Variants in BTG3 observed in about 807,000 individuals in gnomAD.
BTG3 encodes protein BTG3.
Under a neutral mutation model 25.8 loss-of-function variants are expected in BTG3, and 4 were observed. The ratio of observed to expected loss-of-function variants is 0.16; its 90% CI spans 0.08 to 0.36. BTG3 has a LOEUF of 0.36. Ranked by LOEUF, BTG3 falls within the 10% of genes least tolerant of loss-of-function variation. The pLI is 1.00. For missense variants in BTG3, 201 were observed against 304.9 expected (o/e 0.66, Z 2.54); for synonymous variants, 107 against 99.9 (o/e 1.07, Z -0.42).
At chr21:17,604,214 G>T in intron 3 of BTG3, 1 of 871,118 alleles carries the variant, frequency 1.1e-6, no homozygotes, top group Non-Finnish European at 1.6e-6. Context: ...AGGCCAAGGC[G>T]GGCGGATCAC....
At chr21:17,602,449 G>A (rs531101243) in intron 3 of BTG3, among the ~76,000 whole-genome samples, 3 of 152,224 alleles carry the variant, frequency 2.0e-5, no homozygotes, top group South Asian at 2.1e-4. Flanking sequence ...ATACTTGCTA[G>A]ATCAGCTTTA....
chr21:17,611,108 C>T (rs2061716145), intron 1 of BTG3, among the ~76,000 whole-genome samples: 1 of 152,234 alleles, frequency 6.6e-6, no homozygotes, highest in African/African-American at 2.4e-5. Context: ...ACCACGACTG[C>T]TGTGCAGCCT....
intron 3 of BTG3, 126 bp downstream of exon 3, chr21:17,604,734 A>T: frequency 8.5e-7 from 1 of 1,178,152 alleles, no homozygotes; most frequent in Non-Finnish European, 1.1e-6. Context: ...CATAAAATTT[A>T]CATCTGAGAG....
chr21:17,611,611 CAAG>C (rs1254720365), intron 1 of BTG3: 1 of 152,272 alleles, frequency 6.6e-6, no homozygotes, highest in Non-Finnish European at 1.5e-5. Flanking sequence ...CAAGCAGGGC[CAAG>C]AAGACCTCAG....
At chr21:17,595,591 C>A (rs560967726) in intron 4 of BTG3, among the ~76,000 whole-genome samples, 32 of 151,690 alleles carry the variant, frequency 2.1e-4, no homozygotes, top group Non-Finnish European at 4.4e-4. Context: ...CATAAAGATC[C>A]TTCTCATTTT....
chr21:17,594,833 G>T (rs1324437601), intron 4 of BTG3, among the ~76,000 whole-genome samples: 1 of 151,948 alleles, frequency 6.6e-6, no homozygotes, highest in Non-Finnish European at 1.5e-5. Context: ...ATAGACATTG[G>T]AGTCTATTTG....
chr21:17,594,143 G>A lies in BTG3; in HGVS notation c.709C>T (p.His237Tyr). 6.2e-7 allele frequency: 1 copy of A among 1,613,252 alleles called. No individual in the cohort carries two copies. The highest frequency in any genetic ancestry group is 2.2e-5 in the East Asian group (1 of 44,858). ...TTAATCCAGTGATTCCGGTCACAAT[G>A]CATTCCAGGAGGAGGTACCCATGTC... Reference protein sequence around the residue: ...PVTWVPPPGMHCDRNHWINPH... With the variant: ...PVTWVPPPGMYCDRNHWINPH... The change falls in exon 5 of 5, where the codon CAT becomes TAT. Residue 237 changes from histidine (H) to tyrosine (Y), a missense_variant. His to Tyr is a moderately conservative substitution (Grantham distance 83). This residue lies in a region of BTG3 where 131 missense variants were observed against 129.3 expected (regional missense o/e 1.01). Transcript: ENST00000348354.
At chr21:17,600,367 G>A (rs1485101470) in intron 3 of BTG3, among the ~76,000 whole-genome samples, 4 of 152,092 alleles carry the variant, frequency 2.6e-5, no homozygotes, top group African/African-American at 9.7e-5. Context: ...TTTGAAAAAA[G>A]ATAAAAATAA....
At chr21:17,599,982 A>C (rs887283167) in intron 3 of BTG3, among the ~76,000 whole-genome samples, 3 of 152,196 alleles carry the variant, frequency 2.0e-5, no homozygotes, top group Non-Finnish European at 4.4e-5. Context: ...TGCTTAAATT[A>C]TATTGCTTAC....
chr21:17,604,056 C>T, intron 3 of BTG3: 1 of 1,125,154 alleles, frequency 8.9e-7, no homozygotes, highest in Non-Finnish European at 1.1e-6. Context: ...ATACCTAGCA[C>T]TGATCTTTCA....
intron 2 of BTG3, among the ~76,000 whole-genome samples, chr21:17,607,389 CA>C (rs368596539): frequency 0.015 from 2,173 of 145,704 alleles, 27 homozygotes; most frequent in Non-Finnish European, 0.02. Flanking sequence ...TGAAAATATG[CA>C]AAAAAAAAAT....
At chr21:17,599,868 A>G (rs1169682020) in intron 3 of BTG3, among the ~76,000 whole-genome samples, 2 of 152,192 alleles carry the variant, frequency 1.3e-5, no homozygotes, top group Non-Finnish European at 2.9e-5. Context: ...TTTAACCCCA[A>G]TTAAATAAAA....
chr21:17,596,216 A>G (rs923462656), intron 4 of BTG3, among the ~76,000 whole-genome samples: 2 of 151,976 alleles, frequency 1.3e-5, no homozygotes, highest in Non-Finnish European at 2.9e-5. Context: ...TGTAATGAGA[A>G]TATTTTGTCC....
chr21:17,603,272 C>T (rs762728496), intron 3 of BTG3, among the ~76,000 whole-genome samples: 26 of 152,274 alleles, frequency 1.7e-4, no homozygotes, highest in Middle Eastern at 3.4e-3. Context: ...TAAAGCAGGT[C>T]CTTAATTAGT....
At chr21:17,608,712 G>A (rs1280298431) in intron 2 of BTG3, 4 of 367,068 alleles carry the variant, frequency 1.1e-5, no homozygotes, top group Admixed American at 4.5e-5. Context: ...TGCACTGTTA[G>A]GAGCCAGGCT....
At chr21:17,601,302 G>A (rs35432050) in intron 3 of BTG3, among the ~76,000 whole-genome samples, 22,220 of 152,174 alleles carry the variant, frequency 0.15, 1,978 homozygotes, top group East Asian at 0.22. Flanking sequence ...TATGCTGGAC[G>A]AGGAAGCTGG....
At chr21:17,607,002 G>GT (rs2061651977) in intron 2 of BTG3, among the ~76,000 whole-genome samples, 1 of 152,032 alleles carries the variant, frequency 6.6e-6, no homozygotes, top group African/African-American at 2.4e-5. Flanking sequence ...CAAACATTTT[G>GT]TAAGAGAAAG....
At chr21:17,598,552 G>A (rs1405981291) in intron 4 of BTG3, 65 bp downstream of exon 4, 1 of 1,373,858 alleles carries the variant, frequency 7.3e-7, no homozygotes, top group Non-Finnish European at 1.0e-6. Context: ...TGCCAAGTAG[G>A]ACTACCTGAA....
intron 1 of BTG3, among the ~76,000 whole-genome samples, chr21:17,611,357 A>G (rs1314918649): frequency 2.0e-5 from 3 of 152,124 alleles, no homozygotes; most frequent in Admixed American, 6.5e-5. Context: ...TATGTGCCAC[A>G]TATCTGAGTT....
Sources: gnomAD v4.1 joint callset for allele counts (sites outside exome capture counted in the v4.1 genomes callset) on GRCh38, gnomAD v4.1.1 for gene constraint, gnomAD v4.1.1 regional missense constraint, MANE v1.5 for transcripts, NCBI Gene and HGNC (gene_info 2026-07-23, HGNC 2026-07-21) for gene names.